MRPL13: variants seen among roughly 807,000 people sequenced by gnomAD.
The protein encoded by MRPL13 is mitochondrial ribosomal protein L13, also known as large ribosomal subunit protein uL13m.
A neutral mutation model predicts 29.0 loss-of-function variants in MRPL13; 33 were observed. The observed-to-expected ratio is 1.14, with a 90% confidence interval of 0.86 to 1.52. MRPL13 has a LOEUF of 1.52. Among genes scored for constraint, MRPL13 ranks in the 40% most tolerant of loss-of-function variants. MRPL13 has a pLI of 0.00. For missense variants in MRPL13, 227 were observed against 216.7 expected (o/e 1.05, Z -0.30); for synonymous variants, 77 against 68.4 (o/e 1.13, Z -0.62).
At chr8:120,443,437 G>T in intron 1 of MRPL13, 129 bp from the exon 2 acceptor site, 1 of 960,256 alleles carries the variant, frequency 1.0e-6, no homozygotes, top group Non-Finnish European at 1.4e-6. Context: ...CAATTTCTTT[G>T]AAAAATAACT....
rs75273285 is a variant in MRPL13 at position 120,441,215 on chromosome 8, T to C, written c.151+1970A>G. On this transcript the variant is annotated intron_variant, in intron 2 of 6. Coordinates refer to ENST00000306185, the MANE Select transcript of MRPL13 (RefSeq NM_014078.6). ...GACATCTCCAAATGGACTTATTCAT[T>C]GGAGATGTCTACTAGACAACAGATG... Among the ~76,000 whole-genome samples, 778 of 152,190 alleles carry C rather than the reference T, an allele frequency of 5.1e-3. 8 individuals are homozygous for C. The highest frequency in any genetic ancestry group is 0.017 in the African/African-American group (693 of 41,526).
At chr8:120,444,289 T>A (rs932813692) in intron 1 of MRPL13, among the ~76,000 whole-genome samples, 1 of 152,174 alleles carries the variant, frequency 6.6e-6, no homozygotes, top group Non-Finnish European at 1.5e-5. Flanking sequence ...GAACCATACT[T>A]GGAGCGGCAC....
At chr8:120,432,242 G>T in intron 2 of MRPL13, 119 bp from the exon 3 acceptor site, 1 of 609,008 alleles carries the variant, frequency 1.6e-6, no homozygotes, top group South Asian at 3.7e-5. Context: ...TAAAAAGCAA[G>T]TTACAGTGCA....
intron 2 of MRPL13, among the ~76,000 whole-genome samples, chr8:120,438,387 G>A (rs1212806787): frequency 6.6e-6 from 1 of 152,140 alleles, no homozygotes; most frequent in African/African-American, 2.4e-5. Flanking sequence ...TAAAAAGTAA[G>A]TTTCTACTTT....
chr8:120,423,991 T>C (rs1034327035), intron 4 of MRPL13, among the ~76,000 whole-genome samples: 1 of 152,002 alleles, frequency 6.6e-6, no homozygotes, highest in African/African-American at 2.4e-5. Flanking sequence ...ACCTTAGAGC[T>C]ATAATAAATC....
At chr8:120,429,361 G>A (rs1812971292) in intron 3 of MRPL13, among the ~76,000 whole-genome samples, 1 of 151,952 alleles carries the variant, frequency 6.6e-6, no homozygotes, top group Non-Finnish European at 1.5e-5. Flanking sequence ...GTGGAGGGTG[G>A]GAGTAGAGAG....
At chr8:120,396,997 C>T (rs145190095) in intron 6 of MRPL13, among the ~76,000 whole-genome samples, 23 of 152,276 alleles carry the variant, frequency 1.5e-4, no homozygotes, top group Admixed American at 1.4e-3. Flanking sequence ...GCGGACAACT[C>T]GACCCATGGA....
At chr8:120,425,956 G>A (rs1812927177) in intron 3 of MRPL13, among the ~76,000 whole-genome samples, 1 of 152,018 alleles carries the variant, frequency 6.6e-6, no homozygotes, top group Non-Finnish European at 1.5e-5. Flanking sequence ...AATAGTACTG[G>A]AGGCAGCTTA....
chr8:120,412,549 G>A (rs1462604584), intron 6 of MRPL13, among the ~76,000 whole-genome samples: 1 of 152,180 alleles, frequency 6.6e-6, no homozygotes, highest in Non-Finnish European at 1.5e-5. Flanking sequence ...TAAGGTTATA[G>A]AGTCAGCTAC....
At position 120,426,276 on chromosome 8, in the gene MRPL13, T is replaced by C. The variant is rs528419299; in HGVS notation, c.246-910A>G. ...TGGAATCTGCAAAAAACCTTAAGAT[T>C]ACCTAAAGGTGATTTTTTCCATATG... On this transcript the variant is annotated intron_variant, in intron 3 of 6. Coordinates refer to ENST00000306185, the MANE Select transcript of MRPL13 (RefSeq NM_014078.6). Among the ~76,000 whole-genome samples, 8 of 152,260 alleles carry C rather than the reference T, an allele frequency of 5.3e-5. No individual in the cohort carries two copies. In the East Asian group the frequency reaches 1.5e-3, roughly 29 times the overall value.
At chr8:120,426,362 T>G (rs919445048) in intron 3 of MRPL13, among the ~76,000 whole-genome samples, 4 of 152,094 alleles carry the variant, frequency 2.6e-5, no homozygotes, top group Non-Finnish European at 5.9e-5. Context: ...ATTTTAGGAA[T>G]AAAACTTGTC....
Position 120,406,555 on chromosome 8 carries a change from A to ATGTGTG in MRPL13, c.515+7430_515+7435dup, listed in dbSNP as rs72150915. ...CTAACAGTGGATTATATATGTGTGC[A>ATGTGTG]TGTGTGTGTGTGTGTGTGTGTGTGT... On this transcript the variant is annotated intron_variant, in intron 6 of 6. Transcript: ENST00000306185. 5.8e-3 allele frequency among the ~76,000 whole-genome samples: 853 copies of ATGTGTG among 147,164 alleles called. 3 individuals are homozygous for ATGTGTG. Among genetic ancestry groups the ATGTGTG allele is most frequent in the African/African-American group, 7.3e-3 (293 of 39,872 alleles).
intron 2 of MRPL13, among the ~76,000 whole-genome samples, chr8:120,436,988 G>C (rs1434319050): frequency 6.6e-6 from 1 of 152,100 alleles, no homozygotes; most frequent in Non-Finnish European, 1.5e-5. Context: ...TGAATGTATA[G>C]ATACTGTAAC....
intron 3 of MRPL13, among the ~76,000 whole-genome samples, chr8:120,429,425 T>C (rs1158574604): frequency 6.6e-6 from 1 of 151,024 alleles, no homozygotes; most frequent in African/African-American, 2.4e-5. Flanking sequence ...AAATAACCTG[T>C]ACAACAAACC....
chr8:120,400,515 C>T (rs1375231578), intron 6 of MRPL13, among the ~76,000 whole-genome samples: 1 of 151,688 alleles, frequency 6.6e-6, no homozygotes, highest in African/African-American at 2.4e-5. Flanking sequence ...ATGCCCACGA[C>T]AAAAAGCTAC....
In MRPL13 at chr8:120,395,915, A is replaced by G. The variant is rs959956013; in HGVS notation, c.*189T>C. On this transcript the variant is annotated 3_prime_UTR_variant, in exon 7 of 7. Coordinates refer to ENST00000306185, the MANE Select transcript of MRPL13 (RefSeq NM_014078.6). ...AATCAGATTACATAAAAATGGTTCT[A>G]TAAAATTATATTTTAATTACAATTT... 3.6e-5 allele frequency: 18 copies of G among 499,278 alleles called. No homozygotes were observed. In the South Asian group the frequency reaches 4.9e-4, roughly 14 times the overall value. 30.9% of individuals were successfully genotyped at this position (499,278 alleles called of 1,614,324 possible).
At chr8:120,397,376 G>A (rs183933570) in intron 6 of MRPL13, among the ~76,000 whole-genome samples, 40 of 152,250 alleles carry the variant, frequency 2.6e-4, no homozygotes, top group African/African-American at 9.4e-4. Context: ...GTTGTTCTGC[G>A]GGCCCCACTT....
intron 3 of MRPL13, among the ~76,000 whole-genome samples, chr8:120,425,750 G>A (rs1305546382): frequency 6.6e-6 from 1 of 152,124 alleles, no homozygotes; most frequent in Non-Finnish European, 1.5e-5. Context: ...GGTTAGGTCT[G>A]GGGAAAATGT....
intron 2 of MRPL13, among the ~76,000 whole-genome samples, chr8:120,435,022 T>G (rs1813037535): frequency 6.6e-6 from 1 of 152,166 alleles, no homozygotes; most frequent in Admixed American, 6.6e-5. Context: ...ATACTCAGAT[T>G]CCATGCAAGG....
Sources: allele counts gnomAD v4.1 joint callset (sites outside exome capture counted in the v4.1 genomes callset), GRCh38; gene constraint gnomAD v4.1.1; transcripts MANE v1.5; gene names NCBI Gene and HGNC (gene_info 2026-07-23, HGNC 2026-07-21).